Variants in KLHL32 observed in about 807,000 individuals in gnomAD.
KLHL32 encodes kelch like family member 32.
Under a neutral mutation model 64.8 loss-of-function variants are expected in KLHL32, and 35 were observed. The observed-to-expected ratio is 0.54, with a 90% confidence interval of 0.41 to 0.72. KLHL32 has a LOEUF of 0.72. Among genes scored for constraint, KLHL32 ranks in the 30% least tolerant of loss-of-function variants. The pLI, the probability that KLHL32 is intolerant of heterozygous loss-of-function variation, is 0.00. For missense variants in KLHL32, 589 were observed against 768.5 expected, an observed-to-expected ratio of 0.77 and a Z score of 2.76; for synonymous variants, 259 against 281.0, an observed-to-expected ratio of 0.92 and a Z score of 0.78.
chr6:96,968,210 G>T (rs1037796551), intron 2 of KLHL32, among the ~76,000 whole-genome samples: 3 of 152,056 alleles, frequency 2.0e-5, no homozygotes. Flanking sequence ...GATTCTCAAT[G>T]GTGGATGGTT....
chr6:96,922,243 G>A (rs1266708746), upstream of KLHL32, among the ~76,000 whole-genome samples: 1 of 152,148 alleles, frequency 6.6e-6, no homozygotes, highest in East Asian at 1.9e-4. Flanking sequence ...GGAAGCTGCA[G>A]ACTACAACTG....
At chr6:97,081,731 C>T (rs943496121) in intron 5 of KLHL32, among the ~76,000 whole-genome samples, 1 of 152,210 alleles carries the variant, frequency 6.6e-6, no homozygotes, top group African/African-American at 2.4e-5. Flanking sequence ...GCTTTTACCT[C>T]AGTTATAGTT....
intron 4 of KLHL32, among the ~76,000 whole-genome samples, chr6:97,056,166 C>T (rs1209824151): frequency 2.9e-5 from 4 of 137,714 alleles, no homozygotes; most frequent in South Asian, 2.2e-4. Context: ...AGTGCAGTGG[C>T]ACGATCTCGG....
At chr6:96,903,974 A>G in the KLHL32 span, among the ~76,000 whole-genome samples, 1 of 152,162 alleles carries the variant, frequency 6.6e-6, no homozygotes, top group South Asian at 2.1e-4. Flanking sequence ...AATCTGGCAA[A>G]GACTATTAGA....
At chr6:96,969,458 T>C (rs1774875295) in intron 2 of KLHL32, among the ~76,000 whole-genome samples, 1 of 152,170 alleles carries the variant, frequency 6.6e-6, no homozygotes, top group Admixed American at 6.5e-5. Context: ...AACCCTTAAG[T>C]TCTCTCATTT....
chr6:96,996,872 A>G (rs1187294619), intron 3 of KLHL32, among the ~76,000 whole-genome samples: 1 of 152,184 alleles, frequency 6.6e-6, no homozygotes, highest in Non-Finnish European at 1.5e-5. Context: ...AGGAAGCCCA[A>G]ATTTTAATAA....
intron 3 of KLHL32, among the ~76,000 whole-genome samples, chr6:97,033,766 T>A (rs1183421004): frequency 6.6e-6 from 1 of 152,124 alleles, no homozygotes; most frequent in Non-Finnish European, 1.5e-5. Context: ...TGCTTTTCCC[T>A]GATGATTAGT....
chr6:96,944,344 G>A (rs1327988220), intron 1 of KLHL32, among the ~76,000 whole-genome samples: 1 of 152,160 alleles, frequency 6.6e-6, no homozygotes, highest in East Asian at 1.9e-4. Context: ...TGCTATGCAA[G>A]GATGATGGAC....
At chr6:96,985,912 G>T (rs1776992267) in intron 3 of KLHL32, among the ~76,000 whole-genome samples, 1 of 152,128 alleles carries the variant, frequency 6.6e-6, no homozygotes, top group South Asian at 2.1e-4. Flanking sequence ...TCCATTGCTG[G>T]TGAGGAGCTG....
At chr6:96,996,132 A>G (rs1041274594) in intron 3 of KLHL32, among the ~76,000 whole-genome samples, 10 of 152,232 alleles carry the variant, frequency 6.6e-5, no homozygotes, top group Non-Finnish European at 1.5e-4. Context: ...GCCACTCTGT[A>G]GGTTCTGGAA....
chr6:96,932,000 GGAGATTTATTTTGATA>G (rs1383940816), intron 1 of KLHL32, among the ~76,000 whole-genome samples: 7 of 152,096 alleles, frequency 4.6e-5, no homozygotes, highest in Non-Finnish European at 1.0e-4. Flanking sequence ...TCTGAGTGGA[GGAGATTTATTTTGATA>G]GAGTCTCTCG....
intron 3 of KLHL32, among the ~76,000 whole-genome samples, chr6:97,026,644 G>C (rs931926693): frequency 1.6e-4 from 24 of 152,182 alleles, no homozygotes; most frequent in Admixed American, 4.6e-4. Context: ...ACCTGGACTG[G>C]GCATCTATAT....
chr6:97,103,493 G>A (rs754895921), intron 6 of KLHL32, among the ~76,000 whole-genome samples: 41 of 152,222 alleles, frequency 2.7e-4, no homozygotes, highest in Admixed American at 1.5e-3. Flanking sequence ...GATTACAGGC[G>A]CCCAGCCATG....
chr6:97,004,834 G>A lies in KLHL32; in HGVS notation c.204+28657G>A, dbSNP rs145096480. ...TCCCAAGGAAAAAGCCTATTTGATC[G>A]TAGTGCATTAGCTTTTTGATGTGCT... On this transcript the variant is annotated intron_variant, in intron 3 of 10. Transcript: ENST00000369261. Among the ~76,000 whole-genome samples the A allele has an allele frequency of 1.4e-3, 209 of 152,216 alleles. 1 individual carries two copies. Among genetic ancestry groups the A allele is most frequent in the African/African-American group, 4.7e-3 (195 of 41,544 alleles).
chr6:96,958,373 G>T (rs1466936193), intron 1 of KLHL32, among the ~76,000 whole-genome samples: 1 of 152,126 alleles, frequency 6.6e-6, no homozygotes, highest in Non-Finnish European at 1.5e-5. Context: ...CCCAGAGGAG[G>T]TGACATCTGA....
intron 1 of KLHL32, among the ~76,000 whole-genome samples, chr6:96,934,021 T>C (rs1258789591): frequency 6.6e-6 from 1 of 152,230 alleles, no homozygotes; most frequent in Non-Finnish European, 1.5e-5. Context: ...TAATCTCACT[T>C]TTCTCACATT....
At chr6:96,921,699 G>A (rs1416543758), upstream of KLHL32, among the ~76,000 whole-genome samples, 1 of 152,126 alleles carries the variant, frequency 6.6e-6, no homozygotes, top group African/African-American at 2.4e-5. Flanking sequence ...ATTGAACAAA[G>A]AACTATGACA....
chr6:97,022,378 G>A (rs953699681), intron 3 of KLHL32, among the ~76,000 whole-genome samples: 1 of 150,442 alleles, frequency 6.6e-6, no homozygotes, highest in Non-Finnish European at 1.5e-5. Flanking sequence ...ATAGCTACAT[G>A]ACTTCCTTCC....
intron 2 of KLHL32, among the ~76,000 whole-genome samples, chr6:96,967,405 A>C (rs954419528): frequency 2.0e-4 from 30 of 151,928 alleles, no homozygotes; most frequent in African/African-American, 9.7e-5. Context: ...TCAAAAAACT[A>C]TACATATATA....
Sources: allele counts gnomAD v4.1 joint callset (sites outside exome capture counted in the v4.1 genomes callset), GRCh38; gene constraint gnomAD v4.1.1; transcripts MANE v1.5; gene names NCBI Gene and HGNC (gene_info 2026-07-23, HGNC 2026-07-21).